PLPP1: variants seen among roughly 807,000 people sequenced by gnomAD.
PLPP1 encodes the protein phospholipid phosphatase 1.
Under a neutral mutation model 31.2 loss-of-function variants are expected in PLPP1, and 24 were observed. The observed-to-expected ratio is 0.77, with a 90% CI of 0.56 to 1.08. The LOEUF (loss-of-function observed/expected upper bound fraction) is 1.08. Among genes scored for constraint, PLPP1 ranks in the 50% least tolerant of loss-of-function variants. The pLI is 0.00. For synonymous variants in PLPP1, 146 were observed against 126.3 expected, an observed-to-expected ratio of 1.16 and a Z score of -1.05; for missense variants, 319 against 342.7, an observed-to-expected ratio of 0.93 and a Z score of 0.55.
intron 1 of PLPP1, among the ~76,000 whole-genome samples, chr5:55,522,124 C>G (rs1753682455): frequency 6.6e-6 from 1 of 152,170 alleles, no homozygotes. Flanking sequence ...AGGACTAAAT[C>G]ACGAGATTCT....
At chr5:55,521,469 G>A (rs1319885465) in intron 1 of PLPP1, among the ~76,000 whole-genome samples, 1 of 151,074 alleles carries the variant, frequency 6.6e-6, no homozygotes, top group East Asian at 1.9e-4. Flanking sequence ...AGTGAGCTGT[G>A]ATCATGCTAC....
At chr5:55,514,467 C>A (rs1010630671) in intron 1 of PLPP1, among the ~76,000 whole-genome samples, 8 of 152,094 alleles carry the variant, frequency 5.3e-5, no homozygotes, top group African/African-American at 1.9e-4. Context: ...CATATCCCCC[C>A]ACCATAAAAA....
At chr5:55,530,958 C>T (rs567330287) in intron 1 of PLPP1, among the ~76,000 whole-genome samples, 14 of 152,318 alleles carry the variant, frequency 9.2e-5, no homozygotes, top group African/African-American at 3.1e-4. Flanking sequence ...GCCGAGGTGA[C>T]GGTGACGGCC....
chr5:55,457,477 T>C lies in PLPP1; in HGVS notation c.491+10392A>G, dbSNP rs1752043117. On this transcript the variant is annotated intron_variant, in intron 3 of 5. Transcript: ENST00000307259. ...ATTTTTATACCATTTTAAATAAATA[T>C]ATTTCACATTTTGTCAAAATGGCTT... is the stretch of plus-strand genomic sequence containing the variant. Among the ~76,000 whole-genome samples the C allele has an allele frequency of 2.0e-5, 3 of 152,220 alleles. No individual in the cohort carries two copies. The South Asian group carries it at 6.2e-4, about 32-fold the overall frequency.
intron 4 of PLPP1, among the ~76,000 whole-genome samples, chr5:55,432,707 G>T (rs1234831386): frequency 2.0e-5 from 3 of 151,716 alleles, no homozygotes; most frequent in Admixed American, 6.6e-5. Context: ...AGGGATGCAA[G>T]GAGGTTTCAA....
chr5:55,511,770 T>C (rs1327404344), intron 1 of PLPP1, among the ~76,000 whole-genome samples: 1 of 147,906 alleles, frequency 6.8e-6, no homozygotes, highest in Non-Finnish European at 1.5e-5. Flanking sequence ...TTGACGCCAT[T>C]CTCCTGCCTC....
At chr5:55,528,051 A>C (rs902315905) in intron 1 of PLPP1, among the ~76,000 whole-genome samples, 3 of 152,236 alleles carry the variant, frequency 2.0e-5, no homozygotes, top group Non-Finnish European at 4.4e-5. Flanking sequence ...CACACAGCAC[A>C]GAAAGATATT....
intron 3 of PLPP1, among the ~76,000 whole-genome samples, chr5:55,456,860 T>C (rs1168394550): frequency 6.6e-6 from 1 of 152,202 alleles, no homozygotes; most frequent in Non-Finnish European, 1.5e-5. Context: ...TAAGGGAGCT[T>C]ATCTTAAAAG....
intron 3 of PLPP1, among the ~76,000 whole-genome samples, chr5:55,463,657 T>C (rs6877113): frequency 0.066 from 9,970 of 151,262 alleles, 602 homozygotes; most frequent in African/African-American, 0.14. Context: ...AAAGAAAAAG[T>C]TGATTGGGCA....
At chr5:55,461,990 T>C (rs1383563881) in intron 3 of PLPP1, among the ~76,000 whole-genome samples, 1 of 150,958 alleles carries the variant, frequency 6.6e-6, no homozygotes, top group Non-Finnish European at 1.5e-5. Context: ...TAACAAAACG[T>C]ATGCAAGACC....
chr5:55,478,912 C>T (rs917043599), intron 1 of PLPP1, among the ~76,000 whole-genome samples: 2 of 152,036 alleles, frequency 1.3e-5, no homozygotes, highest in Non-Finnish European at 2.9e-5. Flanking sequence ...GTACACTATT[C>T]TGTTGAGAGA....
chr5:55,466,116 T>C (rs1456494612), intron 3 of PLPP1, among the ~76,000 whole-genome samples: 1 of 152,224 alleles, frequency 6.6e-6, no homozygotes, highest in Non-Finnish European at 1.5e-5. Context: ...CTCAACTGTC[T>C]ACCTCTTCAG....
At chr5:55,439,266 T>A (rs1340285211) in intron 4 of PLPP1, among the ~76,000 whole-genome samples, 1 of 152,154 alleles carries the variant, frequency 6.6e-6, no homozygotes, top group Non-Finnish European at 1.5e-5. Flanking sequence ...AGCAGCTGAG[T>A]CTCAGCCAGT....
chr5:55,435,884 T>C (rs946522026), intron 4 of PLPP1, among the ~76,000 whole-genome samples: 4 of 151,828 alleles, frequency 2.6e-5, no homozygotes, highest in African/African-American at 9.7e-5. Context: ...TACTACAGTG[T>C]GCGCCTGTAG....
In PLPP1 at chr5:55,467,728, C is replaced by A. The variant is rs1752334937; in HGVS notation, c.491+141G>T. ...AGGAAAAAGGCATGATGAGAGAGAA[C>A]AATTCATACAAGATCAAAATTCACC... On this transcript the variant is annotated intron_variant, in intron 3 of 5. Transcript: ENST00000307259. 4 of 897,626 alleles carry A rather than the reference C, an allele frequency of 4.5e-6. No individual in the cohort carries two copies. The East Asian group carries it at 1.0e-4, about 23-fold the overall frequency. 55.6% of individuals were successfully genotyped at this position (897,626 alleles called of 1,614,324 possible).
chr5:55,441,974 A>T, intron 3 of PLPP1, 66 bp from the exon 4 acceptor site: 1 of 1,476,220 alleles, frequency 6.8e-7, no homozygotes, highest in Non-Finnish European at 9.4e-7. Flanking sequence ...TTGATTTCAT[A>T]AATCTGCTCC....
At position 55,480,951 on chromosome 5, in the gene PLPP1, G is replaced by A. The variant is rs1341558672; in HGVS notation, c.59-5501C>T. 3.3e-5 allele frequency among the ~76,000 whole-genome samples: 5 copies of A among 152,236 alleles called. No individual in the cohort carries two copies. The East Asian group carries it at 7.7e-4, about 24-fold the overall frequency. On this transcript the variant is annotated intron_variant, in intron 1 of 5. Transcript: ENST00000307259. ...AGTCAGCCCATGACTCAGGTTCTCT[G>A]CATAGTAAACTCATACTCAGCTATA... is the stretch of plus-strand genomic sequence containing the variant.
At chr5:55,500,967 T>G (rs1496453) in intron 1 of PLPP1, among the ~76,000 whole-genome samples, 119,509 of 152,104 alleles carry the variant, frequency 0.79, 47,880 homozygotes, top group Middle Eastern at 0.88. Flanking sequence ...GTCCTACCTA[T>G]ATTAAGAAGA....
At chr5:55,519,894 CATCT>C (rs1026681805) in intron 1 of PLPP1, among the ~76,000 whole-genome samples, 5 of 152,252 alleles carry the variant, frequency 3.3e-5, no homozygotes, top group Admixed American at 1.3e-4. Context: ...TCATTACATA[CATCT>C]ATTTCTTAAA....
Sources: allele counts gnomAD v4.1 joint callset (sites outside exome capture counted in the v4.1 genomes callset), GRCh38; gene constraint gnomAD v4.1.1; transcripts MANE v1.5; gene names NCBI Gene and HGNC (gene_info 2026-07-23, HGNC 2026-07-21).